The following MED24 variants were observed in gnomAD, a reference collection of about 807,000 sequenced individuals.
MED24 encodes the protein mediator complex subunit 24.
A neutral mutation model predicts 118.8 loss-of-function variants in MED24; 74 were observed. The observed-to-expected ratio is 0.62, with a 90% CI of 0.52 to 0.76. MED24 has a LOEUF of 0.76. Among genes scored for constraint, MED24 ranks in the 30% least tolerant of loss-of-function variants. MED24 has a pLI of 0.00. For synonymous variants in MED24, 521 were observed against 523.9 expected (o/e 0.99, Z 0.08); for missense variants, 1,041 against 1,278.9 (o/e 0.81, Z 2.84).
chr17:40,038,260 ATTGCT>A (rs1326500091), intron 3 of MED24, among the ~76,000 whole-genome samples: 1 of 152,170 alleles, frequency 6.6e-6, no homozygotes, highest in Non-Finnish European at 1.5e-5. Flanking sequence ...GGAAGTTTTT[ATTGCT>A]TTGAACAGAT....
chr17:40,039,628 A>C (rs1044126762), intron 3 of MED24, among the ~76,000 whole-genome samples: 4 of 152,012 alleles, frequency 2.6e-5, no homozygotes, highest in Non-Finnish European at 4.4e-5. Context: ...GTGTTTATAC[A>C]TCTCAAGACT....
intron 3 of MED24, among the ~76,000 whole-genome samples, chr17:40,047,698 CAACA>C (rs1985388877): frequency 2.7e-5 from 4 of 146,840 alleles, no homozygotes; most frequent in African/African-American, 1.1e-4. Flanking sequence ...CAAAAAACAA[CAACA>C]AAAAAAAAAC....
At chr17:40,027,819 T>C (rs919610090) in intron 15 of MED24, 90 bp downstream of exon 15, 12 of 1,398,608 alleles carry the variant, frequency 8.6e-6, no homozygotes, top group Non-Finnish European at 1.1e-5. Context: ...CTCCCCCTGT[T>C]GAGCTGGGGA....
At position 40,035,363 on chromosome 17, in the gene MED24, T is replaced by C; in HGVS notation, c.327-14A>G. On this transcript the variant is annotated splice_polypyrimidine_tract_variant and intron_variant, in intron 5 of 25. Coordinates refer to ENST00000394128, the MANE Select transcript of MED24 (RefSeq NM_014815.4). ...TTGCCGTGACAGCTACAGGGAAGGATGCAAAATCAGACTCTGTTCTTCCAA... is the reference window on the plus strand; with the variant it reads ...TTGCCGTGACAGCTACAGGGAAGGACGCAAAATCAGACTCTGTTCTTCCAA... The C allele has an allele frequency of 6.4e-7, 1 of 1,563,896 alleles. No individual in the cohort carries two copies. The highest frequency in any genetic ancestry group is 8.7e-7 in the Non-Finnish European group (1 of 1,151,992).
intron 3 of MED24, among the ~76,000 whole-genome samples, chr17:40,050,616 G>A (rs1307338637): frequency 2.6e-5 from 4 of 151,322 alleles, no homozygotes; most frequent in Non-Finnish European, 5.9e-5. Context: ...CTCCGTCTCA[G>A]TAAATAAAAA....
intron 4 of MED24, 133 bp from the exon 5 acceptor site, chr17:40,035,928 A>G: frequency 2.8e-6 from 3 of 1,079,436 alleles, no homozygotes; most frequent in South Asian, 1.4e-5. Context: ...CATCCTCAAC[A>G]CTGGACATTG....
At chr17:40,049,294 T>C (rs1273390579) in intron 3 of MED24, among the ~76,000 whole-genome samples, 2 of 152,202 alleles carry the variant, frequency 1.3e-5, no homozygotes, top group Non-Finnish European at 2.9e-5. Flanking sequence ...ATTATGTGAT[T>C]TTTGCCTCCC....
intron 19 of MED24, chr17:40,023,765 T>C (rs1009137854): frequency 5.2e-6 from 1 of 190,934 alleles, no homozygotes; most frequent in Admixed American, 5.7e-5. Context: ...GGCTGAGTGC[T>C]TGGGGGTCCC....
intron 3 of MED24, among the ~76,000 whole-genome samples, chr17:40,044,444 C>T (rs376298943): frequency 4.0e-5 from 6 of 151,444 alleles, no homozygotes; most frequent in South Asian, 4.2e-4. Context: ...TGCTTGAACC[C>T]GGGAGGCAGA....
At chr17:40,037,914 A>T (rs1984133949) in intron 3 of MED24, among the ~76,000 whole-genome samples, 1 of 151,828 alleles carries the variant, frequency 6.6e-6, no homozygotes, top group African/African-American at 2.4e-5. Context: ...CTGTCTCAAA[A>T]AAAAAAAAAA....
chr17:40,053,455 A>G lies in MED24; in HGVS notation c.130+14T>C. The G allele has an allele frequency of 6.2e-7, 1 of 1,614,042 alleles. No individual in the cohort carries two copies. The highest frequency in any genetic ancestry group is 2.2e-5 in the East Asian group (1 of 44,882). On this transcript the variant is annotated intron_variant, in intron 2 of 25. Coordinates refer to ENST00000394128, the MANE Select transcript of MED24 (RefSeq NM_014815.4). ...TTTATCCCTCCCATCTTTCTTTCCC[A>G]GTTCACTTGAGACCTGCCAGGTTGA...
In MED24 at chr17:40,054,167, T is replaced by A. The variant is rs546971585; in HGVS notation, c.-38+194A>T. The stretch of plus-strand genomic sequence containing the variant: ...ATGAATAAAGAAGTATCAAAGGGAC[T>A]AATAGATTAAACAGGGCATCAAGGA... On this transcript the variant is annotated intron_variant, in intron 1 of 25. Coordinates refer to ENST00000394128, the MANE Select transcript of MED24 (RefSeq NM_014815.4). The A allele has an allele frequency of 2.9e-5, 5 of 175,240 alleles. No individual in the cohort carries two copies. The South Asian group carries it at 5.6e-4, about 20-fold the overall frequency. 10.9% of individuals were successfully genotyped at this position (175,240 alleles called of 1,614,324 possible).
intron 3 of MED24, among the ~76,000 whole-genome samples, chr17:40,038,450 C>T (rs915847559): frequency 2.6e-5 from 4 of 152,124 alleles, no homozygotes; most frequent in African/African-American, 7.2e-5. Flanking sequence ...CAGTCGCTCA[C>T]GCCTGTAATC....
At chr17:40,021,029 T>C (rs11871747) in intron 23 of MED24, 57,671 of 153,956 alleles carry the variant, frequency 0.37, 10,886 homozygotes, top group East Asian at 0.45. Flanking sequence ...GCTGAGATCG[T>C]GCGACTGCAC....
At chr17:40,051,758 A>G in intron 3 of MED24, among the ~76,000 whole-genome samples, 1 of 151,388 alleles carries the variant, frequency 6.6e-6, no homozygotes, top group Non-Finnish European at 1.5e-5. Context: ...CCTCATCTCT[A>G]CTAAAAATAC....
Position 40,053,257 on chromosome 17 carries a change from C to T in MED24, c.213+41G>A, listed in dbSNP as rs540291328. 5 of 1,547,664 alleles carry T rather than the reference C, an allele frequency of 3.2e-6. 1 individual carries two copies. In the South Asian group the frequency reaches 4.9e-5, roughly 15 times the overall value. Reference sequence around the variant, plus strand: ...AAATGCACTCCAAGTTTTTTACCCCCAGAACTCTCACTTCTTGGTGGGGGT... The same window carrying T: ...AAATGCACTCCAAGTTTTTTACCCCTAGAACTCTCACTTCTTGGTGGGGGT... On this transcript the variant is annotated intron_variant, in intron 3 of 25. Transcript: ENST00000394128.
rs774247661 is a variant in MED24, at chr17:40,023,296, C to A, written c.2085G>T (p.Met695Ile). 6.2e-7 allele frequency: 1 copy of A among 1,614,134 alleles called. No homozygotes were observed. Among genetic ancestry groups the A allele is most frequent in the Non-Finnish European group, 8.5e-7 (1 of 1,180,010 alleles). The change falls in exon 20 of 26, where the codon ATG becomes ATT. Residue 695 changes from methionine to isoleucine, a missense_variant. Coordinates refer to ENST00000394128, the MANE Select transcript of MED24 (RefSeq NM_014815.4). ...IKFPSTGVDT[M>I]PYWNLLPPKR... ...TGGGGGGCAGCAGGTTCCAGTAGGG[C>A]ATTGTGTCCACCCCGGTGGAGGGAA...
At chr17:40,034,885 T>A in intron 6 of MED24, 2 of 455,584 alleles carry the variant, frequency 4.4e-6, no homozygotes, top group Non-Finnish European at 8.1e-6. Flanking sequence ...CCTAGCACAG[T>A]GCTGGGTATA....
chr17:40,022,105 A>G (rs1251146738), intron 22 of MED24, 51 bp from the exon 23 acceptor site: 1 of 1,396,856 alleles, frequency 7.2e-7, no homozygotes, highest in Admixed American at 2.2e-5. Context: ...CCCAGTTTCC[A>G]GCTGTCAGGG....
Sources: allele counts gnomAD v4.1 joint callset (sites outside exome capture counted in the v4.1 genomes callset), GRCh38; gene constraint gnomAD v4.1.1; transcripts MANE v1.5; gene names NCBI Gene and HGNC (gene_info 2026-07-23, HGNC 2026-07-21).